The following TP73 variants were observed in gnomAD, a reference collection of about 807,000 sequenced individuals.
The protein encoded by TP73 is tumor protein p73.
A neutral mutation model predicts 62.5 loss-of-function variants in TP73; 25 were observed. The ratio of observed to expected loss-of-function variants is 0.40; its 90% CI spans 0.29 to 0.56. TP73 has a LOEUF of 0.56. TP73 is among the 20% of genes least tolerant of loss of function. The pLI is 0.46. For missense variants in TP73, 754 were observed against 913.3 expected (o/e 0.83, Z 2.25); for synonymous variants, 423 against 377.5 (o/e 1.12, Z -1.40).
intron 1 of TP73, among the ~76,000 whole-genome samples, chr1:3,660,222 A>G (rs1644960619): frequency 6.6e-6 from 1 of 152,162 alleles, no homozygotes; most frequent in Non-Finnish European, 1.5e-5. Flanking sequence ...CCTCTTTCTC[A>G]AGGTTCCCAA....
rs552838500 is a variant in TP73, at chr1:3,716,103, A to G, written c.430-5918A>G. ...CACTTGCCCCTGGCCTGCCCTCCCC[A>G]GTGAGCAGTTTCTTGTCCACAGCCT... is the stretch of plus-strand genomic sequence containing the variant. On this transcript the variant is annotated intron_variant, in intron 4 of 13. Transcript: ENST00000378295. 4.7e-4 allele frequency among the ~76,000 whole-genome samples: 72 copies of G among 152,268 alleles called. No individual in the cohort carries two copies. The South Asian group carries it at 0.014, about 29-fold the overall frequency.
At chr1:3,698,869 G>A (rs1297052311) in intron 3 of TP73, among the ~76,000 whole-genome samples, 3 of 152,222 alleles carry the variant, frequency 2.0e-5, no homozygotes, top group Non-Finnish European at 2.9e-5. Context: ...CAGCCGCTGC[G>A]GGCAGGTGCA....
chr1:3,726,913 G>GGATGGATA (rs1641692939), intron 6 of TP73, among the ~76,000 whole-genome samples: 1 of 148,504 alleles, frequency 6.7e-6, no homozygotes, highest in African/African-American at 2.5e-5. Context: ...ATGGATGGAT[G>GGATGGATA]GATGGACGGA....
intron 3 of TP73, among the ~76,000 whole-genome samples, chr1:3,694,334 A>C (rs74190415): frequency 6.1e-5 from 1 of 16,420 alleles, no homozygotes; most frequent in Non-Finnish European, 1.6e-4. Context: ...AATCCCACCC[A>C]TGCAGCCTCC....
At chr1:3,697,118 C>T (rs939190528) in intron 3 of TP73, among the ~76,000 whole-genome samples, 46 of 152,220 alleles carry the variant, frequency 3.0e-4, no homozygotes, top group Admixed American at 7.8e-4. Flanking sequence ...TCCTGTGAAT[C>T]CTGCCTGCAA....
chr1:3,705,600 G>T (rs1303681252), intron 3 of TP73, among the ~76,000 whole-genome samples: 1 of 152,260 alleles, frequency 6.6e-6, no homozygotes, highest in African/African-American at 2.4e-5. Context: ...GGGGCTGTTG[G>T]CTGTCCTGGG....
In TP73 at chr1:3,727,233, C is replaced by T. The variant is rs764064699; in HGVS notation, c.842+9C>T. 10 of 1,609,918 alleles carry T rather than the reference C, an allele frequency of 6.2e-6. No individual in the cohort carries two copies. The highest frequency in any genetic ancestry group is 4.5e-5 in the East Asian group (2 of 44,854). The stretch of plus-strand genomic sequence containing the variant: ...ACCCTGGAGATGCGGGAGTGAGTCC[C>T]GGGCACACGGGGTGGAGGTGGGACA... On this transcript the variant is annotated intron_variant, in intron 7 of 13. Coordinates refer to ENST00000378295, the MANE Select transcript of TP73 (RefSeq NM_005427.4).
At chr1:3,721,248 C>A (rs2181487) in intron 4 of TP73, among the ~76,000 whole-genome samples, 62,407 of 152,208 alleles carry the variant, frequency 0.41, 14,869 homozygotes, top group East Asian at 0.86. Context: ...CAGGGGCTGG[C>A]TCAGGAAGGG....
rs368763879 is a variant in TP73 at position 3,733,088 on chromosome 1, C to A, written c.*9C>A. The A allele has an allele frequency of 2.5e-5, 38 of 1,524,340 alleles. 1 individual carries two copies. In the East Asian group the frequency reaches 3.2e-4, roughly 13 times the overall value. 94.4% of individuals were successfully genotyped at this position (1,524,340 alleles called of 1,614,324 possible). On this transcript the variant is annotated 3_prime_UTR_variant, in exon 14 of 14. Transcript: ENST00000378295. Reference sequence around the variant, plus strand: ...AGGCCGAGATCCACTGAGGGCCTCGCCTGGCTGCAGCCTGCGCCACCGCCC... The same window carrying A: ...AGGCCGAGATCCACTGAGGGCCTCGACTGGCTGCAGCCTGCGCCACCGCCC...
Position 3,663,465 on chromosome 1 carries a change from C to T in TP73, c.-34+10824C>T, listed in dbSNP as rs1009657507. Among the ~76,000 whole-genome samples the T allele has an allele frequency of 1.3e-5, 2 of 152,138 alleles. No homozygotes were observed. The highest frequency in any genetic ancestry group is 2.9e-5 in the Non-Finnish European group (2 of 68,020). On this transcript the variant is annotated intron_variant, in intron 1 of 13. Coordinates refer to ENST00000378295, the MANE Select transcript of TP73 (RefSeq NM_005427.4). The surrounding 1 kb of genome is among the most constrained non-coding windows in gnomAD (Gnocchi z 4.7). ...GCGTGGTGGCTCACGCCTGTAATCC[C>T]AGCACTTTGGGAGGCTGAGTCGGGC...
At position 3,728,577 on chromosome 1, in the gene TP73, A is replaced by G. The variant is rs567523243; in HGVS notation, c.1074+360A>G. Among the ~76,000 whole-genome samples, 561 of 152,346 alleles carry G rather than the reference A, an allele frequency of 3.7e-3. 1 individual carries two copies. Among genetic ancestry groups the G allele is most frequent in the Non-Finnish European group, 5.9e-3 (402 of 68,030 alleles). ...GGACCCGTGGCCACGGCCAGCCCCC[A>G]TGAGTGTGCCTCTCACATGTGGCCT... On this transcript the variant is annotated intron_variant, in intron 9 of 13. Transcript: ENST00000378295.
At chr1:3,727,356 G>T (rs549894038) in intron 7 of TP73, 132 bp downstream of exon 7, 10 of 1,024,846 alleles carry the variant, frequency 9.8e-6, no homozygotes, top group Non-Finnish European at 1.4e-5. Context: ...TGCTGCTGGA[G>T]GAAGGAACCG....
chr1:3,712,884 C>T (rs1249837699), intron 4 of TP73, among the ~76,000 whole-genome samples: 2 of 152,148 alleles, frequency 1.3e-5, no homozygotes, highest in Non-Finnish European at 2.9e-5. Context: ...CCGTGTGGTG[C>T]CCCACCCCGG....
intron 2 of TP73, 127 bp downstream of exon 2, chr1:3,682,557 C>A (rs1645550444): frequency 2.2e-6 from 2 of 905,794 alleles, no homozygotes; most frequent in East Asian, 3.1e-5. Flanking sequence ...TCTGGGCTAG[C>A]CCCAGCCACC....
At chr1:3,718,787 G>A (rs1640825123) in intron 4 of TP73, among the ~76,000 whole-genome samples, 1 of 152,192 alleles carries the variant, frequency 6.6e-6, no homozygotes, top group East Asian at 1.9e-4. Context: ...CTCAGGCCAT[G>A]GGCTGTGGCA....
intron 3 of TP73, among the ~76,000 whole-genome samples, chr1:3,694,681 C>G (rs36156048): frequency 6.5e-5 from 2 of 30,918 alleles, no homozygotes; most frequent in South Asian, 2.6e-3. Context: ...CGCAATCCCA[C>G]CCATGCAGCC....
chr1:3,725,385 T>G (rs1570617852), intron 6 of TP73, among the ~76,000 whole-genome samples: 4 of 19,368 alleles, frequency 2.1e-4, no homozygotes, highest in Admixed American at 8.2e-4. Context: ...GGTGGATGGG[T>G]GGATGGATGG....
At chr1:3,731,361 G>A in intron 12 of TP73, 102 bp from the exon 13 acceptor site, 1 of 1,224,792 alleles carries the variant, frequency 8.2e-7, no homozygotes, top group East Asian at 2.4e-5. Flanking sequence ...TTCGGAGACA[G>A]CGGCAGTCTC....
intron 1 of TP73, among the ~76,000 whole-genome samples, chr1:3,679,819 GTCTCTGTCTCTCTTTGTCCTTGTATC>G (rs764066393): frequency 0.19 from 26,818 of 140,676 alleles, 2,856 homozygotes; most frequent in South Asian, 0.27. Context: ...CTCTGTCTCT[GTCTCTGTCTCTCTTTGTCCTTGTATC>G]TCTCTGTCTC....
Sources: allele counts gnomAD v4.1 joint callset (sites outside exome capture counted in the v4.1 genomes callset), GRCh38; gene constraint gnomAD v4.1.1; non-coding constraint Gnocchi (gnomAD v3.1); transcripts MANE v1.5; gene names NCBI Gene and HGNC (gene_info 2026-07-23, HGNC 2026-07-21).